ADGRB1: variants seen among roughly 807,000 people sequenced by gnomAD.
ADGRB1 encodes the protein adhesion G protein-coupled receptor B1, also known as brain-specific angiogenesis inhibitor 1.
ADGRB1 carries 36 observed loss-of-function variants against 175.7 expected under a neutral mutation model. The ratio of observed to expected loss-of-function variants is 0.20; its 90% CI spans 0.16 to 0.27. The LOEUF is 0.27. Among genes scored for constraint, ADGRB1 ranks in the 10% least tolerant of loss-of-function variants. The pLI is 1.00. For missense variants in ADGRB1, 1,731 were observed against 2,255.3 expected, an observed-to-expected ratio of 0.77 and a Z score of 4.71; for synonymous variants, 1,054 against 979.4, an observed-to-expected ratio of 1.08 and a Z score of -1.42.
intron 18 of ADGRB1, among the ~76,000 whole-genome samples, chr8:142,516,023 G>A (rs566782613): frequency 1.9e-4 from 29 of 152,358 alleles, no homozygotes; most frequent in South Asian, 1.7e-3. Flanking sequence ...TTCTGCACAC[G>A]AAGAGAAGGC....
intron 17 of ADGRB1, among the ~76,000 whole-genome samples, chr8:142,498,514 C>G (rs1842333638): frequency 1.3e-5 from 2 of 152,150 alleles, no homozygotes; most frequent in South Asian, 4.1e-4. Flanking sequence ...GCAGCCAGGG[C>G]AGCCCCTCCC....
chr8:142,495,437 C>T (rs895762936), intron 17 of ADGRB1, among the ~76,000 whole-genome samples: 2 of 152,132 alleles, frequency 1.3e-5, no homozygotes, highest in Non-Finnish European at 2.9e-5. Context: ...GCTGCCCTAA[C>T]AAACTGCCAA....
At position 142,489,401 on chromosome 8, in the gene ADGRB1, G is replaced by T; in HGVS notation, c.2594G>T (p.Arg865Leu). Residue 865 changes from arginine (R) to leucine (L), a missense_variant, in exon 16 of 31, where the codon CGC (arginine) becomes CTC (leucine). Coordinates refer to ENST00000517894, the MANE Select transcript of ADGRB1 (RefSeq NM_001702.3). ...VTVKPPPRSL[R>L]TPLEIEFAHM... The stretch of plus-strand genomic sequence containing the variant: ...GTGAAACCCCCGCCTCGCTCCCTGC[G>T]CACACCCTTGGAGATCGAGTTTGCC... The T allele has an allele frequency of 6.2e-7, 1 of 1,612,936 alleles. No individual in the cohort carries two copies. Among genetic ancestry groups the T allele is most frequent in the Non-Finnish European group, 8.5e-7 (1 of 1,179,840 alleles).
chr8:142,523,134 C>T (rs1843950489), intron 22 of ADGRB1, among the ~76,000 whole-genome samples: 1 of 152,176 alleles, frequency 6.6e-6, no homozygotes, highest in Non-Finnish European at 1.5e-5. Context: ...GGGCAGGGGT[C>T]GGAGGCTTAT....
chr8:142,519,367 C>T (rs1425282967), intron 19 of ADGRB1, among the ~76,000 whole-genome samples: 2 of 152,194 alleles, frequency 1.3e-5, no homozygotes, highest in African/African-American at 4.8e-5. Context: ...GTGACCTGCC[C>T]AAGGTCATGC....
In ADGRB1 at chr8:142,476,819, G is replaced by A. The variant is rs967761579; in HGVS notation, c.1057+124G>A. 1.2e-5 allele frequency: 13 copies of A among 1,076,444 alleles called. No homozygotes were observed. In the Middle Eastern group the frequency reaches 1.1e-3, roughly 94 times the overall value. 66.7% of individuals were successfully genotyped at this position (1,076,444 alleles called of 1,614,324 possible). ...CCATAACTAGACTAAACCCTTAGGTGCAGGGCTCTTGTCTCCTGACTGCCT... is the reference window on the plus strand; with the variant it reads ...CCATAACTAGACTAAACCCTTAGGTACAGGGCTCTTGTCTCCTGACTGCCT... On this transcript the variant is annotated intron_variant, in intron 4 of 30. Transcript: ENST00000517894.
At chr8:142,499,829 C>T (rs1842404703) in intron 17 of ADGRB1, among the ~76,000 whole-genome samples, 1 of 152,206 alleles carries the variant, frequency 6.6e-6, no homozygotes, top group South Asian at 2.1e-4. Context: ...CTGCTCGGTG[C>T]CGGGCCTTCT....
In ADGRB1 at chr8:142,542,171, A is replaced by G; in HGVS notation, c.3937A>G (p.Lys1313Glu). Reference protein sequence around the residue: ...PNHSLTLKRDKAPKSSFVGDG... With the variant: ...PNHSLTLKRDEAPKSSFVGDG... ...CCACTCACTGACCCTCAAGAGGGAC[A>G]AGGCGCCCAAGTCCTCCTTCGTCGG... The change falls in exon 28 of 31, where the codon AAG becomes GAG. Residue 1313 changes from lysine to glutamate, a missense_variant. Physicochemically the swap from Lys to Glu is moderately conservative, Grantham distance 56 (BLOSUM62 1). Coordinates refer to ENST00000517894, the MANE Select transcript of ADGRB1 (RefSeq NM_001702.3). This position sits in a 1 kb window ranked among gnomAD's most constrained non-coding sequence, Gnocchi z 6.3. The G allele has an allele frequency of 6.2e-7, 1 of 1,613,516 alleles. No individual in the cohort carries two copies. The highest frequency in any genetic ancestry group is 8.5e-7 in the Non-Finnish European group (1 of 1,179,794).
At chr8:142,502,389 AGTGGTGGT>A (rs1842634155) in intron 17 of ADGRB1, among the ~76,000 whole-genome samples, 10 of 3,780 alleles carry the variant, frequency 2.6e-3, no homozygotes, top group African/African-American at 0.012. Context: ...TGATGATGAC[AGTGGTGGT>A]GATGGTGGTG....
chr8:142,470,427 GGTGT>G (rs746815463), intron 2 of ADGRB1, among the ~76,000 whole-genome samples: 12 of 151,776 alleles, frequency 7.9e-5, no homozygotes, highest in Non-Finnish European at 1.6e-4. Context: ...GTCCCCGTGT[GGTGT>G]GTGTGGAGCC....
chr8:142,462,089 G>A (rs1459452764), intron 1 of ADGRB1, among the ~76,000 whole-genome samples: 1 of 152,238 alleles, frequency 6.6e-6, no homozygotes, highest in African/African-American at 2.4e-5. Context: ...GGGCAGGACT[G>A]GAGGAGGGCT....
chr8:142,468,402 G>A (rs1034266164), intron 2 of ADGRB1, among the ~76,000 whole-genome samples: 3 of 152,170 alleles, frequency 2.0e-5, no homozygotes, highest in Admixed American at 2.0e-4. Context: ...CTCGGCTGCT[G>A]GCAACATGAA....
intron 24 of ADGRB1, among the ~76,000 whole-genome samples, chr8:142,528,608 C>T (rs1177774499): frequency 2.0e-5 from 3 of 152,198 alleles, no homozygotes; most frequent in Admixed American, 6.5e-5. Context: ...TCCTCTCTGC[C>T]GCCGATGCCA....
intron 21 of ADGRB1, 56 bp from the exon 22 acceptor site, chr8:142,522,585 G>A (rs1843916103): frequency 6.7e-7 from 1 of 1,490,470 alleles, no homozygotes. Flanking sequence ...AGGAGGAGGT[G>A]GAGGCTGGCT....
At chr8:142,458,343 A>T (rs1227486306) in intron 1 of ADGRB1, among the ~76,000 whole-genome samples, 1 of 152,128 alleles carries the variant, frequency 6.6e-6, no homozygotes, top group Non-Finnish European at 1.5e-5. Context: ...GCGTGTGTGC[A>T]GTCTGCACAG....
At chr8:142,473,829 T>C (rs1840790686) in intron 2 of ADGRB1, among the ~76,000 whole-genome samples, 1 of 152,208 alleles carries the variant, frequency 6.6e-6, no homozygotes, top group Admixed American at 6.5e-5. Flanking sequence ...GTCCCTCTCC[T>C]GGGTCTCATC....
intron 19 of ADGRB1, 68 bp from the exon 20 acceptor site, chr8:142,520,755 A>G (rs967393929): frequency 7.1e-7 from 1 of 1,414,870 alleles, no homozygotes; most frequent in African/African-American, 1.4e-5. Context: ...TTGGTGCCAC[A>G]GGACCACAGC....
chr8:142,464,611 C>T lies in ADGRB1; in HGVS notation c.413C>T (p.Ala138Val). 6.6e-7 allele frequency: 1 copy of T among 1,523,830 alleles called. No individual in the cohort carries two copies. The highest frequency in any genetic ancestry group is 8.8e-7 in the Non-Finnish European group (1 of 1,138,880). 94.4% of individuals were successfully genotyped at this position (1,523,830 alleles called of 1,614,324 possible). ...DPSAPLAFLQ[A>V]SKQFLQMRRQ... ...TCCGCACCCCTGGCCTTCCTGCAGG[C>T]CAGCAAGCAGTTCCTGCAGATGCGG... Residue 138 changes from alanine to valine, a missense_variant, in exon 2 of 31, where the codon GCC (alanine) becomes GTC (valine). By Grantham distance (64) the Ala-to-Val change is moderately conservative. Coordinates refer to ENST00000517894, the MANE Select transcript of ADGRB1 (RefSeq NM_001702.3).
rs1368302968 is a variant in ADGRB1 at position 142,504,521 on chromosome 8, A to G, written c.2676-6411A>G. 1.3e-5 allele frequency among the ~76,000 whole-genome samples: 2 copies of G among 151,994 alleles called. No homozygotes were observed. Among genetic ancestry groups the G allele is most frequent in the Non-Finnish European group, 2.9e-5 (2 of 67,960 alleles). ...GGGTGAGGCAGAACACAGGGAGGGG[A>G]GCCCAGCACAGCGGTGGGGAAGGGT... is the stretch of plus-strand genomic sequence containing the variant. On this transcript the variant is annotated intron_variant, in intron 17 of 30. Coordinates refer to ENST00000517894, the MANE Select transcript of ADGRB1 (RefSeq NM_001702.3). This position sits in a 1 kb window ranked among gnomAD's most constrained non-coding sequence, Gnocchi z 5.6.
Sources: allele counts gnomAD v4.1 joint callset (sites outside exome capture counted in the v4.1 genomes callset), GRCh38; gene constraint gnomAD v4.1.1; non-coding constraint Gnocchi (gnomAD v3.1); transcripts MANE v1.5; gene names NCBI Gene and HGNC (gene_info 2026-07-23, HGNC 2026-07-21).